USP13: variants seen among roughly 807,000 people sequenced by gnomAD.
The protein encoded by USP13 is ubiquitin specific peptidase 13.
A neutral mutation model predicts 107.8 loss-of-function variants in USP13; 68 were observed. The observed-to-expected ratio is 0.63, with a 90% CI of 0.52 to 0.77. The LOEUF (loss-of-function observed/expected upper bound fraction) is 0.77, where lower values mean the gene tolerates loss of function less well. Ranked by LOEUF, USP13 falls within the 30% of genes least tolerant of loss-of-function variation. The pLI is 0.00. For synonymous variants in USP13, 377 were observed against 389.5 expected (o/e 0.97, Z 0.38); for missense variants, 945 against 1,093.3 (o/e 0.86, Z 1.91).
At chr3:179,725,083 G>A (rs561229674) in intron 8 of USP13, among the ~76,000 whole-genome samples, 7 of 152,244 alleles carry the variant, frequency 4.6e-5, no homozygotes, top group South Asian at 4.1e-4. Context: ...GTGGTGGTGC[G>A]TGCCTGTGAC....
intron 11 of USP13, among the ~76,000 whole-genome samples, chr3:179,741,134 C>T (rs1428079701): frequency 6.6e-6 from 1 of 150,766 alleles, no homozygotes; most frequent in African/African-American, 2.4e-5. Flanking sequence ...ATATAGAAAA[C>T]ACAAAGGAGA....
In USP13 at chr3:179,665,226, CAG is replaced by C. The variant is rs1274889691; in HGVS notation, c.168+11836_168+11837del. On this transcript the variant is annotated intron_variant, in intron 1 of 20. Coordinates refer to ENST00000263966, the MANE Select transcript of USP13 (RefSeq NM_003940.3). ...AGAGAGGGTGTAAGTGGGAGGGAAA[CAG>C]AGGACCATGGCAGGATCTCTATCGT... Among the ~76,000 whole-genome samples, 7 of 152,264 alleles carry C rather than the reference CAG, an allele frequency of 4.6e-5. No individual in the cohort carries two copies. In the East Asian group the frequency reaches 1.3e-3, roughly 29 times the overall value.
At chr3:179,671,819 G>A (rs1415121585) in intron 1 of USP13, among the ~76,000 whole-genome samples, 2 of 152,084 alleles carry the variant, frequency 1.3e-5, no homozygotes, top group Non-Finnish European at 2.9e-5. Context: ...TTTTCCAAGG[G>A]TGTGTGAGTC....
intron 1 of USP13, among the ~76,000 whole-genome samples, chr3:179,668,382 C>T (rs748570764): frequency 9.2e-5 from 14 of 152,170 alleles, no homozygotes; most frequent in African/African-American, 1.4e-4. Flanking sequence ...CCTATACTCT[C>T]CTGGGATTAC....
At chr3:179,661,537 T>G (rs1292693680) in intron 1 of USP13, among the ~76,000 whole-genome samples, 1 of 152,024 alleles carries the variant, frequency 6.6e-6, no homozygotes, top group Non-Finnish European at 1.5e-5. Context: ...TGGGGAAGCT[T>G]AAATGTTAGT....
intron 3 of USP13, among the ~76,000 whole-genome samples, chr3:179,696,054 G>GT (rs1423095960): frequency 6.6e-6 from 1 of 151,944 alleles, no homozygotes; most frequent in Admixed American, 6.6e-5. Flanking sequence ...TAAAGCTGGA[G>GT]TTTTTTTTAG....
At chr3:179,752,191 C>A in intron 13 of USP13, 94 bp from the exon 14 acceptor site, 1 of 1,075,770 alleles carries the variant, frequency 9.3e-7, no homozygotes, top group Non-Finnish European at 1.4e-6. Flanking sequence ...TTGGAATGGC[C>A]AGGTGTGCCT....
rs750734835 is a variant in USP13, at chr3:179,704,044, C to T, written c.478-2890C>T. Among the ~76,000 whole-genome samples, 20 of 152,184 alleles carry T rather than the reference C, an allele frequency of 1.3e-4. 1 individual carries two copies. The highest frequency in any genetic ancestry group is 3.4e-3 in the Middle Eastern group (1 of 294). On this transcript the variant is annotated intron_variant, in intron 4 of 20. Transcript: ENST00000263966. ...GCCAGGACTAGTACCAAGGTCTTTT[C>T]GCATCACTTGAGATAACATATCCAG... is the stretch of plus-strand genomic sequence containing the variant.
chr3:179,715,264 TA>T (rs1713071055), intron 6 of USP13, among the ~76,000 whole-genome samples: 1 of 151,986 alleles, frequency 6.6e-6, no homozygotes, highest in African/African-American at 2.4e-5. Flanking sequence ...GGGCTCAAGC[TA>T]TCCTCCTGCC....
chr3:179,716,762 T>C (rs575502963), intron 6 of USP13, among the ~76,000 whole-genome samples: 2 of 152,358 alleles, frequency 1.3e-5, no homozygotes, highest in African/African-American at 4.8e-5. Context: ...ATCTGGGTTC[T>C]TACAGATTCT....
chr3:179,710,653 G>C (rs963305407), intron 6 of USP13, among the ~76,000 whole-genome samples: 17 of 152,168 alleles, frequency 1.1e-4, no homozygotes, highest in African/African-American at 3.4e-4. Context: ...GTCACTTAAG[G>C]ATGGTGATAT....
intron 11 of USP13, 47 bp downstream of exon 11, chr3:179,740,419 G>A: frequency 6.2e-7 from 1 of 1,612,128 alleles, no homozygotes; most frequent in Non-Finnish European, 8.5e-7. Flanking sequence ...GTAAGAGGGT[G>A]CCGAGCCACT....
chr3:179,699,554 A>G (rs1712434929), intron 3 of USP13, among the ~76,000 whole-genome samples: 2 of 152,196 alleles, frequency 1.3e-5, no homozygotes, highest in East Asian at 3.9e-4. Context: ...TTTACAAAAG[A>G]TAAAAAAAAT....
intron 19 of USP13, among the ~76,000 whole-genome samples, chr3:179,772,852 C>A (rs1022178081): frequency 6.6e-6 from 1 of 152,150 alleles, no homozygotes; most frequent in Non-Finnish European, 1.5e-5. Context: ...AATTCGTAGA[C>A]CCTTTACAAT....
intron 3 of USP13, among the ~76,000 whole-genome samples, chr3:179,696,367 G>C (rs1157484313): frequency 9.6e-6 from 1 of 104,142 alleles, no homozygotes; most frequent in Admixed American, 1.5e-4. Context: ...TCTTGCTCTT[G>C]TTGCCCAGGC....
intron 16 of USP13, among the ~76,000 whole-genome samples, chr3:179,758,672 G>A (rs976503345): frequency 1.3e-5 from 2 of 151,770 alleles, no homozygotes; most frequent in African/African-American, 4.8e-5. Flanking sequence ...CTCATTTTTT[G>A]TATTTTTAGT....
chr3:179,735,548 T>A (rs1452757546), intron 10 of USP13, among the ~76,000 whole-genome samples: 1 of 152,144 alleles, frequency 6.6e-6, no homozygotes, highest in African/African-American at 2.4e-5. Context: ...TTCCACCAGT[T>A]TCCCTAAACT....
Position 179,734,110 on chromosome 3 carries a change from T to C in USP13, c.1254+3401T>C, listed in dbSNP as rs1713902763. ...CTTCCAAGTTGAGTCATTTCTAGAATATATACTTCCCAGTATTAAATTAAT... is the reference window on the plus strand; with the variant it reads ...CTTCCAAGTTGAGTCATTTCTAGAACATATACTTCCCAGTATTAAATTAAT... On this transcript the variant is annotated intron_variant, in intron 10 of 20. Transcript: ENST00000263966. Among the ~76,000 whole-genome samples, 6 of 152,224 alleles carry C rather than the reference T, an allele frequency of 3.9e-5. No homozygotes were observed. The South Asian group carries it at 1.2e-3, about 32-fold the overall frequency.
chr3:179,697,134 T>C (rs1467925817), intron 3 of USP13, among the ~76,000 whole-genome samples: 1 of 152,202 alleles, frequency 6.6e-6, no homozygotes, highest in Non-Finnish European at 1.5e-5. Context: ...CACTTTTTTT[T>C]GGCTTAGACC....
Sources: gnomAD v4.1 joint callset for allele counts (sites outside exome capture counted in the v4.1 genomes callset) on GRCh38, gnomAD v4.1.1 for gene constraint, MANE v1.5 for transcripts, NCBI Gene and HGNC (gene_info 2026-07-23, HGNC 2026-07-21) for gene names.